LAMA3: variants seen among roughly 807,000 people sequenced by gnomAD.
LAMA3 encodes the protein laminin subunit alpha 3.
Under a neutral mutation model 402.0 loss-of-function variants are expected in LAMA3, and 281 were observed. That is an observed-to-expected ratio of 0.70 (90% CI 0.63 to 0.77). The LOEUF (loss-of-function observed/expected upper bound fraction) is 0.77, where lower values mean the gene tolerates loss of function less well. Ranked by LOEUF, LAMA3 falls within the 30% of genes least tolerant of loss-of-function variation. The pLI is 0.00. For synonymous variants in LAMA3, 1,431 were observed against 1,558.4 expected, an observed-to-expected ratio of 0.92 and a Z score of 1.93; for missense variants, 3,840 against 4,215.5, an observed-to-expected ratio of 0.91 and a Z score of 2.47.
intron 8 of LAMA3, among the ~76,000 whole-genome samples, chr18:23,768,416 A>G (rs2062125306): frequency 6.6e-6 from 1 of 152,262 alleles, no homozygotes; most frequent in African/African-American, 2.4e-5. Flanking sequence ...CATCATAGAA[A>G]TGCATGTCAA....
intron 40 of LAMA3, among the ~76,000 whole-genome samples, chr18:23,883,123 G>C (rs1322750592): frequency 1.3e-5 from 2 of 152,174 alleles, no homozygotes; most frequent in Non-Finnish European, 2.9e-5. Context: ...GTGTGAAGAG[G>C]GCCAGAGGTG....
chr18:23,887,428 G>C (rs1047319725), intron 41 of LAMA3, among the ~76,000 whole-genome samples: 2 of 152,150 alleles, frequency 1.3e-5, no homozygotes, highest in African/African-American at 4.8e-5. Context: ...GCATTAAACA[G>C]CAACAGGCTC....
chr18:23,689,933 T>C lies in LAMA3; in HGVS notation c.250T>C (p.Leu84=). The C allele has an allele frequency of 6.5e-7, 1 of 1,527,152 alleles. No homozygotes were observed. The highest frequency in any genetic ancestry group is 8.8e-7 in the Non-Finnish European group (1 of 1,136,928). 94.6% of individuals were successfully genotyped at this position (1,527,152 alleles called of 1,614,324 possible). A position where few individuals can be genotyped will look rare whatever the true frequency, so the allele number is the denominator to read the frequency against. The change falls in exon 1 of 75, where the codon TTG becomes CTG. Residue 84 remains leucine (L), a synonymous_variant. Transcript: ENST00000313654. Reference sequence around the variant, plus strand: ...GCCCCAGCCCGAGCTCTACTGCAAGTTGGTCGGGGGCCCCACCGCCCCAGG... The same window carrying C: ...GCCCCAGCCCGAGCTCTACTGCAAGCTGGTCGGGGGCCCCACCGCCCCAGG... The part of the protein sequence containing the change: ...GRPQPELYCK[L]VGGPTAPGSG...
intron 68 of LAMA3, 78 bp from the exon 69 acceptor site, chr18:23,943,710 C>T (rs2082606154): frequency 5.1e-6 from 7 of 1,372,206 alleles, no homozygotes; most frequent in South Asian, 1.2e-5. Flanking sequence ...TGTTTGCTCC[C>T]CACCCTCTGT....
intron 6 of LAMA3, among the ~76,000 whole-genome samples, chr18:23,757,045 C>T (rs1226037829): frequency 3.3e-5 from 5 of 151,046 alleles, no homozygotes; most frequent in African/African-American, 1.2e-4. Flanking sequence ...TGGAGAACAA[C>T]GCCAGGCTGG....
intron 12 of LAMA3, among the ~76,000 whole-genome samples, chr18:23,800,468 C>G (rs1248184684): frequency 2.6e-5 from 4 of 152,120 alleles, no homozygotes; most frequent in Non-Finnish European, 4.4e-5. Flanking sequence ...TACATGGATA[C>G]AGTGTGTAAT....
chr18:23,729,831 A>G (rs1036776054), intron 2 of LAMA3, among the ~76,000 whole-genome samples: 4 of 152,234 alleles, frequency 2.6e-5, no homozygotes, highest in African/African-American at 7.2e-5. Context: ...TGCTCCCCCA[A>G]GTCTGGCACC....
At chr18:23,692,483 G>A (rs1315122027) in intron 1 of LAMA3, among the ~76,000 whole-genome samples, 1 of 152,060 alleles carries the variant, frequency 6.6e-6, no homozygotes, top group African/African-American at 2.4e-5. Context: ...TGTCGGCCAG[G>A]CTGGTCTCGA....
intron 23 of LAMA3, among the ~76,000 whole-genome samples, chr18:23,828,886 G>T (rs1443809741): frequency 1.3e-5 from 2 of 151,800 alleles, no homozygotes; most frequent in Non-Finnish European, 2.9e-5. Flanking sequence ...GCCAGTTTTT[G>T]TTTCAAAACT....
At chr18:23,845,153 G>A (rs1372320719) in intron 30 of LAMA3, 29 bp downstream of exon 30, 19 of 1,286,710 alleles carry the variant, frequency 1.5e-5, no homozygotes, top group Non-Finnish European at 2.0e-5. Context: ...GAAGGCTCTG[G>A]AATGCAGAGG....
chr18:23,926,122 T>C (rs2081996211), intron 62 of LAMA3, among the ~76,000 whole-genome samples: 1 of 152,220 alleles, frequency 6.6e-6, no homozygotes. Flanking sequence ...CAATAAATGT[T>C]AGATAAGAAA....
chr18:23,762,069 G>A (rs1402033939), intron 7 of LAMA3, among the ~76,000 whole-genome samples: 3 of 152,026 alleles, frequency 2.0e-5, no homozygotes, highest in Middle Eastern at 3.2e-3. Context: ...ATTAAAAATT[G>A]GCTGGTCATG....
chr18:23,775,175 C>T (rs1489180722), intron 9 of LAMA3, among the ~76,000 whole-genome samples: 1 of 152,196 alleles, frequency 6.6e-6, no homozygotes, highest in Non-Finnish European at 1.5e-5. Context: ...AGGGAGGCCC[C>T]CAAGTGGGAG....
chr18:23,881,333 G>T (rs2064889091), intron 39 of LAMA3, among the ~76,000 whole-genome samples: 1 of 152,140 alleles, frequency 6.6e-6, no homozygotes, highest in Non-Finnish European at 1.5e-5. Context: ...CAGATACTGT[G>T]CAATTTTTTA....
In LAMA3 at chr18:23,758,456, G is replaced by A; in HGVS notation, c.1008G>A (p.Gly336=). 1 of 1,614,178 alleles carries A rather than the reference G, an allele frequency of 6.2e-7. No homozygotes were observed. The highest frequency in any genetic ancestry group is 8.5e-7 in the Non-Finnish European group (1 of 1,180,034). ...CGETCDRCCT[G]YNQRRWRPAA... is the part of the protein sequence containing the mutation. ...AGACGTGTGATCGCTGCTGCACAGG[G>A]TACAATCAGAGGCGCTGGCGGCCCG... The change falls in exon 7 of 75, where the codon GGG becomes GGA. Residue 336 remains glycine, a synonymous_variant. Coordinates refer to ENST00000313654, the MANE Select transcript of LAMA3 (RefSeq NM_198129.4).
intron 5 of LAMA3, among the ~76,000 whole-genome samples, chr18:23,753,416 AAAAT>A (rs1230027991): frequency 1.3e-5 from 2 of 152,272 alleles, no homozygotes; most frequent in East Asian, 3.8e-4. Flanking sequence ...ATTTACATAA[AAAAT>A]AAACTTGGAA....
chr18:23,775,893 A>G lies in LAMA3; in HGVS notation c.1375A>G (p.Ile459Val), dbSNP rs199968275. 207 of 1,614,110 alleles carry G rather than the reference A, an allele frequency of 1.3e-4. No homozygotes were observed. Among genetic ancestry groups the G allele is most frequent in the South Asian group, 6.6e-4 (60 of 91,068 alleles). Residue 459 changes from isoleucine (I) to valine (V), a missense_variant, in exon 10 of 75, where the codon ATT becomes GTT. Ile to Val is a conservative substitution (Grantham distance 29, BLOSUM62 3). Transcript: ENST00000313654. Reference sequence around the variant, plus strand: ...CGGAGACAACTGTGAGAAGTGTGCAATTGGATACTACAATTTCCCATTTTG... The same window carrying G: ...CGGAGACAACTGTGAGAAGTGTGCAGTTGGATACTACAATTTCCCATTTTG... ...FHGDNCEKCAIGYYNFPFCLR... is the reference protein window; with the variant it reads ...FHGDNCEKCAVGYYNFPFCLR...
chr18:23,941,183 A>G (rs2082496324), intron 68 of LAMA3, among the ~76,000 whole-genome samples: 1 of 151,322 alleles, frequency 6.6e-6, no homozygotes, highest in Admixed American at 6.6e-5. Flanking sequence ...TGATCCGCCC[A>G]CCTCGGCCTC....
At chr18:23,894,684 A>G (rs549849411) in intron 43 of LAMA3, among the ~76,000 whole-genome samples, 2 of 152,174 alleles carry the variant, frequency 1.3e-5, no homozygotes, top group Non-Finnish European at 2.9e-5. Flanking sequence ...CTTATGTGTA[A>G]AGTAAGCAAC....
Sources: allele counts gnomAD v4.1 joint callset (sites outside exome capture counted in the v4.1 genomes callset), GRCh38; gene constraint gnomAD v4.1.1; transcripts MANE v1.5; gene names NCBI Gene and HGNC (gene_info 2026-07-23, HGNC 2026-07-21).